Variants in GRHL2 observed in about 807,000 individuals in gnomAD.
GRHL2 encodes grainyhead-like protein 2 homolog.
A neutral mutation model predicts 83.8 loss-of-function variants in GRHL2; 21 were observed. That is an observed-to-expected ratio of 0.25 (90% CI 0.18 to 0.36). GRHL2 has a LOEUF of 0.36. Ranked by LOEUF, GRHL2 falls within the 10% of genes least tolerant of loss-of-function variation. GRHL2 has a pLI of 1.00. For synonymous variants in GRHL2, 280 were observed against 278.9 expected (o/e 1.00, Z -0.04); for missense variants, 623 against 781.8 (o/e 0.80, Z 2.42).
chr8:101,502,229 G>A (rs890834055), intron 1 of GRHL2, among the ~76,000 whole-genome samples: 1 of 152,146 alleles, frequency 6.6e-6, no homozygotes, highest in East Asian at 1.9e-4. Flanking sequence ...TGAACTAAAT[G>A]ATCTCCGTGA....
chr8:101,593,490 A>G (rs1403326494), intron 7 of GRHL2, among the ~76,000 whole-genome samples: 2 of 152,130 alleles, frequency 1.3e-5, no homozygotes, highest in African/African-American at 4.8e-5. Flanking sequence ...TGTGTTTTAT[A>G]ATTCGTTTAA....
At chr8:101,497,037 C>G (rs890185410) in intron 1 of GRHL2, among the ~76,000 whole-genome samples, 28 of 152,094 alleles carry the variant, frequency 1.8e-4, no homozygotes, top group African/African-American at 6.3e-4. Context: ...ATAGTAATAC[C>G]TAAGGAGTAA....
intron 14 of GRHL2, among the ~76,000 whole-genome samples, chr8:101,660,137 C>T (rs1813887298): frequency 6.6e-6 from 1 of 152,192 alleles, no homozygotes. Context: ...AATAGCAAAG[C>T]ACTTAAGCAA....
At chr8:101,626,475 C>T (rs1001126523) in intron 9 of GRHL2, among the ~76,000 whole-genome samples, 8 of 152,084 alleles carry the variant, frequency 5.3e-5, no homozygotes, top group African/African-American at 1.4e-4. Flanking sequence ...CACAATCTTT[C>T]GTGAAGGTTT....
chr8:101,609,241 A>G (rs1166591286), intron 8 of GRHL2, among the ~76,000 whole-genome samples: 2 of 150,594 alleles, frequency 1.3e-5, no homozygotes, highest in Non-Finnish European at 2.9e-5. Context: ...GAAGAGGACA[A>G]GGAGAGGGCC....
At chr8:101,496,991 A>G (rs191538005) in intron 1 of GRHL2, among the ~76,000 whole-genome samples, 1 of 152,342 alleles carries the variant, frequency 6.6e-6, no homozygotes, top group Admixed American at 6.5e-5. Flanking sequence ...CAAAACAGTC[A>G]AAATTATTCT....
At chr8:101,554,394 C>G (rs962325499) in intron 3 of GRHL2, among the ~76,000 whole-genome samples, 9 of 152,174 alleles carry the variant, frequency 5.9e-5, no homozygotes, top group Non-Finnish European at 1.3e-4. Context: ...CAGGGAAAAA[C>G]AAGTTTAAGC....
At chr8:101,624,141 TCACAGTAGGACAGTG>T (rs1563613527) in intron 9 of GRHL2, among the ~76,000 whole-genome samples, 3 of 110,052 alleles carry the variant, frequency 2.7e-5, no homozygotes, top group African/African-American at 1.1e-4. Flanking sequence ...GTAGGACAGT[TCACAGTAGGACAGTG>T]CACAGTAGGA....
downstream of GRHL2, among the ~76,000 whole-genome samples, chr8:101,671,179 A>G (rs1814200211): frequency 6.6e-6 from 1 of 152,202 alleles, no homozygotes; most frequent in African/African-American, 2.4e-5. Flanking sequence ...GGTGCAGGAC[A>G]GTAGGTGCAG....
At chr8:101,663,155 G>A (rs913738167) in intron 14 of GRHL2, among the ~76,000 whole-genome samples, 1 of 151,996 alleles carries the variant, frequency 6.6e-6, no homozygotes, top group Non-Finnish European at 1.5e-5. Flanking sequence ...GGAATATGTG[G>A]GTCAAAGGAT....
intron 1 of GRHL2, among the ~76,000 whole-genome samples, chr8:101,536,086 G>A (rs1811040133): frequency 6.6e-6 from 1 of 152,152 alleles, no homozygotes; most frequent in Admixed American, 6.5e-5. Context: ...CTGAGCAAAG[G>A]TATAGAAGTA....
intron 5 of GRHL2, among the ~76,000 whole-genome samples, chr8:101,572,066 C>A (rs1481689998): frequency 2.0e-5 from 3 of 152,140 alleles, no homozygotes; most frequent in Non-Finnish European, 4.4e-5. Context: ...TATGGGCAGG[C>A]TTGATGGACA....
At chr8:101,671,705 G>T (rs370367866), downstream of GRHL2, among the ~76,000 whole-genome samples, 1 of 152,202 alleles carries the variant, frequency 6.6e-6, no homozygotes, top group Admixed American at 6.5e-5. Context: ...CTCCCAGCAC[G>T]CAGCTGGAGA....
At chr8:101,664,338 T>TGAAGAA in intron 14 of GRHL2, 116 bp from the exon 15 acceptor site, 1 of 739,338 alleles carries the variant, frequency 1.4e-6, no homozygotes, top group Non-Finnish European at 2.5e-6. Context: ...GACTCATGAG[T>TGAAGAA]GAAGAGCACT....
chr8:101,509,681 T>C (rs1476782059), intron 1 of GRHL2, among the ~76,000 whole-genome samples: 1 of 152,304 alleles, frequency 6.6e-6, no homozygotes, highest in African/African-American at 2.4e-5. Flanking sequence ...AGAGAGGGCA[T>C]GAACAGAAAA....
At chr8:101,493,323 G>A (rs2129939634) in intron 1 of GRHL2, among the ~76,000 whole-genome samples, 1 of 152,328 alleles carries the variant, frequency 6.6e-6, no homozygotes, top group Admixed American at 6.5e-5. Context: ...GTGGGCGTGA[G>A]TGCGCGCCCG....
chr8:101,619,557 T>G lies in GRHL2; in HGVS notation c.1117T>G (p.Cys373Gly). Residue 373 changes from cysteine (C) to glycine (G), a missense_variant, in exon 9 of 16, where the codon TGC becomes GGC. By Grantham distance (159) the Cys-to-Gly change is radical. Around this residue, in one of 8 missense-constraint regions of GRHL2, gnomAD observed 96 missense variants for 144.8 expected, o/e 0.66. Coordinates refer to ENST00000646743, the MANE Select transcript of GRHL2 (RefSeq NM_024915.4). ...CCCTCAGATTTTCATCACCGTGAAT[T>G]GCTTGAGCACAGATTTCTCCTCCCA... ...EEAKIFITVN[C>G]LSTDFSSQKG... The G allele has an allele frequency of 6.2e-7, 1 of 1,613,938 alleles. No homozygotes were observed. Among genetic ancestry groups the G allele is most frequent in the Non-Finnish European group, 8.5e-7 (1 of 1,179,926 alleles).
At chr8:101,524,250 T>C (rs1474697794) in intron 1 of GRHL2, among the ~76,000 whole-genome samples, 1 of 152,222 alleles carries the variant, frequency 6.6e-6, no homozygotes, top group Non-Finnish European at 1.5e-5. Context: ...TTCTAATATT[T>C]GATTATCTTT....
At chr8:101,594,595 G>A (rs1812354082) in intron 7 of GRHL2, among the ~76,000 whole-genome samples, 1 of 152,236 alleles carries the variant, frequency 6.6e-6, no homozygotes, top group African/African-American at 2.4e-5. Flanking sequence ...TAGTCCCTTG[G>A]AAGACTTTGA....
Sources: allele counts gnomAD v4.1 joint callset (sites outside exome capture counted in the v4.1 genomes callset), GRCh38; gene constraint gnomAD v4.1.1; regional missense constraint gnomAD v4.1.1; transcripts MANE v1.5; gene names NCBI Gene and HGNC (gene_info 2026-07-23, HGNC 2026-07-21).